Variants in UNC119 observed in about 807,000 individuals in gnomAD.
UNC119 encodes unc-119 lipid binding chaperone.
UNC119 carries 15 observed loss-of-function variants against 22.6 expected under a neutral mutation model. That is an observed-to-expected ratio of 0.66 (90% CI 0.44 to 1.02). UNC119 has a LOEUF of 1.02. Ranked by LOEUF, UNC119 falls within the 50% of genes least tolerant of loss-of-function variation. The pLI is 0.00. For missense variants in UNC119, 322 were observed against 336.0 expected, an observed-to-expected ratio of 0.96 and a Z score of 0.33; for synonymous variants, 138 against 139.4, an observed-to-expected ratio of 0.99 and a Z score of 0.07.
Position 28,547,146 on chromosome 17 carries a change from A to T in UNC119, c.*151T>A. On this transcript the variant is annotated 3_prime_UTR_variant, in exon 5 of 5. Transcript: ENST00000335765. ...GGGCTTCATGGGCTTGACTGGGGAC[A>T]CCAGGTACCCTTCCTCCCAACATTG... The T allele has an allele frequency of 1.1e-6, 1 of 946,200 alleles. No homozygotes were observed. Among genetic ancestry groups the T allele is most frequent in the Non-Finnish European group, 1.6e-6 (1 of 614,646 alleles). The allele number at this position is 946,200 out of a possible 1,614,324, so 58.6% of individuals were successfully genotyped here. A position where few individuals can be genotyped will look rare whatever the true frequency, so the allele number is the denominator to read the frequency against.
In UNC119 at chr17:28,547,192, G is replaced by T; in HGVS notation, c.*105C>A. On this transcript the variant is annotated 3_prime_UTR_variant, in exon 5 of 5. Coordinates refer to ENST00000335765, the MANE Select transcript of UNC119 (RefSeq NM_005148.4). ...CATTGACTCAGGGTCCGGAGCTCCT[G>T]GAGAACTCCCCAAGCAGAGGACTTG... 1 of 1,387,896 alleles carries T rather than the reference G, an allele frequency of 7.2e-7. No individual in the cohort carries two copies. The highest frequency in any genetic ancestry group is 2.5e-5 in the East Asian group (1 of 40,604). The allele number at this position is 1,387,896 out of a possible 1,614,324, so 86.0% of individuals were successfully genotyped here. A position where few individuals can be genotyped will look rare whatever the true frequency, so the allele number is the denominator to read the frequency against.
Position 28,548,004 on chromosome 17 carries a change from T to C in UNC119, c.432A>G (p.Gly144=). Residue 144 remains glycine (G), a synonymous_variant, in exon 3 of 5, where the codon GGA becomes GGG. Transcript: ENST00000335765. ...CCCATAGCCCAGCGACTCACGTGGC[T>C]CCCACCTGCCTCAGGCGGAGGAAGG... The part of the protein sequence containing the change: ...TPAFLRLRQV[G]ATVEFTVGDK... The C allele has an allele frequency of 6.2e-7, 1 of 1,613,546 alleles. No individual in the cohort carries two copies. Among genetic ancestry groups the C allele is most frequent in the Non-Finnish European group, 8.5e-7 (1 of 1,179,954 alleles).
Position 28,552,517 on chromosome 17 carries a change from G to T in UNC119, c.41C>A (p.Thr14Lys). 6.4e-7 allele frequency: 1 copy of T among 1,555,920 alleles called. No homozygotes were observed. ...KKGGGGAGTA[T>K]ESAPGPSGQS... ...GCCCGAGGGCCCCGGAGCGGACTCC[G>T]TCGCCGTCCCGGCCCCACCGCCGCC... The change falls in exon 1 of 5, where the codon ACG (threonine) becomes AAG (lysine). Residue 14 changes from threonine to lysine, a missense_variant. Coordinates refer to ENST00000335765, the MANE Select transcript of UNC119 (RefSeq NM_005148.4).
chr17:28,552,161 G>A (rs758440366), intron 1 of UNC119, 177 bp downstream of exon 1: 229 of 701,358 alleles, frequency 3.3e-4, no homozygotes, highest in Non-Finnish European at 3.3e-4. Flanking sequence ...AGGGAAGGGG[G>A]TACACAGAGA....
intron 3 of UNC119, 47 bp downstream of exon 3, chr17:28,547,950 TCA>T: frequency 6.2e-7 from 1 of 1,612,848 alleles, no homozygotes; most frequent in Non-Finnish European, 8.5e-7. Context: ...AAGGGCCCAC[TCA>T]CACCCTCTCC....
intron 1 of UNC119, chr17:28,549,740 G>A (rs1279623736): frequency 6.6e-6 from 1 of 152,388 alleles, no homozygotes; most frequent in African/African-American, 2.4e-5. Context: ...AGAACAGTGG[G>A]AGGCCCTGCC....
Position 28,552,535 on chromosome 17 carries a change from C to A in UNC119, c.23G>T (p.Gly8Val). 1 of 1,541,844 alleles carries A rather than the reference C, an allele frequency of 6.5e-7. No homozygotes were observed. The highest frequency in any genetic ancestry group is 1.9e-5 in the Admixed American group (1 of 53,970). MKVKKGG[G>V]GAGTATESAP... ...GGACTCCGTCGCCGTCCCGGCCCCA[C>A]CGCCGCCCTTCTTCACCTTCATGGC... The change falls in exon 1 of 5, where the codon GGT becomes GTT. Residue 8 changes from glycine (G) to valine (V), a missense_variant. Coordinates refer to ENST00000335765, the MANE Select transcript of UNC119 (RefSeq NM_005148.4).
intron 3 of UNC119, 26 bp downstream of exon 3, chr17:28,547,973 C>A: frequency 6.2e-7 from 1 of 1,613,752 alleles, no homozygotes. Flanking sequence ...CTCACCCCCA[C>A]CACCACCCAT....
intron 1 of UNC119, chr17:28,549,068 A>T (rs922897376): frequency 4.9e-6 from 1 of 203,094 alleles, no homozygotes; most frequent in Non-Finnish European, 1.0e-5. Flanking sequence ...CTTTGGGAGA[A>T]TTAGGTATCC....
Position 28,552,617 on chromosome 17 carries a change from G to T in UNC119, c.-60C>A, listed in dbSNP as rs1597580937. On this transcript the variant is annotated 5_prime_UTR_variant, in exon 1 of 5. Coordinates refer to ENST00000335765, the MANE Select transcript of UNC119 (RefSeq NM_005148.4). ...GCCGCTGCCTGCGCCGGCTGGAGCC[G>T]GGGGAAGTGGGAGCATCCGCAGCCC... 5 of 1,418,682 alleles carry T rather than the reference G, an allele frequency of 3.5e-6. No individual in the cohort carries two copies. The South Asian group carries it at 6.8e-5, about 19-fold the overall frequency. 87.9% of individuals were successfully genotyped at this position (1,418,682 alleles called of 1,614,324 possible).
chr17:28,548,809 A>T (rs900084961), intron 1 of UNC119, 104 bp from the exon 2 acceptor site: 4 of 874,440 alleles, frequency 4.6e-6, no homozygotes, highest in Admixed American at 4.1e-5. Context: ...CATCCCTGGG[A>T]TCACTGCCCT....
rs2070228597 is a variant in UNC119 at position 28,548,018 on chromosome 17, G to A, written c.418C>T (p.Leu140=). The stretch of plus-strand genomic sequence containing the variant: ...ACTCACGTGGCTCCCACCTGCCTCA[G>A]GCGGAGGAAGGCAGGCGTGAACTGG... ...RYQFTPAFLR[L]RQVGATVEFT... Residue 140 remains leucine (L), a synonymous_variant, in exon 3 of 5, where the codon CTG becomes TTG. Transcript: ENST00000335765. 8.1e-6 allele frequency: 13 copies of A among 1,613,876 alleles called. No individual in the cohort carries two copies. The highest frequency in any genetic ancestry group is 1.1e-5 in the Non-Finnish European group (13 of 1,180,022).
At chr17:28,548,936 G>T in intron 1 of UNC119, 1 of 498,512 alleles carries the variant, frequency 2.0e-6, no homozygotes. Context: ...GGTCTCTGGG[G>T]GCCAGGGAAG....
At chr17:28,548,318 G>A (rs1174844143) in intron 2 of UNC119, 4 of 625,504 alleles carry the variant, frequency 6.4e-6, no homozygotes, top group Non-Finnish European at 1.1e-5. Context: ...GCCACAGGAT[G>A]CTGAGGCCTG....
At chr17:28,550,998 T>C (rs1000019876) in intron 1 of UNC119, 1 of 152,318 alleles carries the variant, frequency 6.6e-6, no homozygotes, top group Non-Finnish European at 1.5e-5. Context: ...CCTCTCTCCA[T>C]TGATGCCTGC....
chr17:28,547,469 G>C (rs1597577197), intron 4 of UNC119, 60 bp from the exon 5 acceptor site: 1 of 1,605,134 alleles, frequency 6.2e-7, no homozygotes, highest in East Asian at 2.3e-5. Flanking sequence ...CGCCACTGCA[G>C]GGGCTTCAGG....
Position 28,551,254 on chromosome 17 carries a change from C to CAATTCTCT in UNC119, c.220+1083_220+1084insAGAGAATT, listed in dbSNP as rs2070266343. On this transcript the variant is annotated intron_variant, in intron 1 of 4. Transcript: ENST00000335765. ...CCAACAGTTATTCTCACAAAGGGGG[C>CAATTCTCT]CAGGGCAGGTTGCTGGTGAATGTGG... 2.0e-5 allele frequency: 3 copies of CAATTCTCT among 152,222 alleles called. No homozygotes were observed. In the East Asian group the frequency reaches 5.8e-4, roughly 29 times the overall value. 9.4% of individuals were successfully genotyped at this position (152,222 alleles called of 1,614,324 possible). A position where few individuals can be genotyped will look rare whatever the true frequency, so the allele number is the denominator to read the frequency against.
rs2070216200 is a variant in UNC119 at position 28,547,282 on chromosome 17, AG to A, written c.*14del. On this transcript the variant is annotated 3_prime_UTR_variant, in exon 5 of 5. Transcript: ENST00000335765. ...CCCAGAACTGGAGCCTCCTGGGGTCAGGGCAGCCGTGGGGTCAGGGTGTCCC... is the reference window on the plus strand; with the variant it reads ...CCCAGAACTGGAGCCTCCTGGGGTCAGGCAGCCGTGGGGTCAGGGTGTCCC... 1.2e-6 allele frequency: 2 copies of A among 1,613,894 alleles called. No homozygotes were observed. Among genetic ancestry groups the A allele is most frequent in the African/African-American group, 2.7e-5 (2 of 75,036 alleles).
chr17:28,550,979 T>G (rs780574446), intron 1 of UNC119: 2 of 152,366 alleles, frequency 1.3e-5, no homozygotes, highest in Admixed American at 6.5e-5. Context: ...ATCAGCCTGG[T>G]CCAGCCTCCC....
Sources: gnomAD v4.1 joint callset for allele counts on GRCh38, gnomAD v4.1.1 for gene constraint, MANE v1.5 for transcripts, NCBI Gene and HGNC (gene_info 2026-07-23, HGNC 2026-07-21) for gene names.